The following IDO2 variants were observed in gnomAD, a reference collection of about 807,000 sequenced individuals.
IDO2 encodes indoleamine 2,3-dioxygenase 2.
In IDO2, 46 loss-of-function variants were observed where a neutral mutation model predicts 45.1. That is an observed-to-expected ratio of 1.02 (90% CI 0.80 to 1.30). The LOEUF (loss-of-function observed/expected upper bound fraction) is 1.30. IDO2 is among the 50% of genes most tolerant of loss of function. The pLI, the probability that IDO2 is intolerant of heterozygous loss-of-function variation, is 0.00. For synonymous variants in IDO2, 218 were observed against 184.9 expected, an observed-to-expected ratio of 1.18 and a Z score of -1.45; for missense variants, 544 against 491.8, an observed-to-expected ratio of 1.11 and a Z score of -1.00.
chr8:39,951,187 T>G (rs1211447801), intron 2 of IDO2, among the ~76,000 whole-genome samples: 1 of 152,086 alleles, frequency 6.6e-6, no homozygotes. Context: ...CACTATTCTT[T>G]AATCATAGTT....
intron 9 of IDO2, among the ~76,000 whole-genome samples, 160 bp from the exon 10 acceptor site, chr8:40,013,405 A>G (rs1802337162): frequency 6.6e-6 from 1 of 152,200 alleles, no homozygotes; most frequent in Non-Finnish European, 1.5e-5. Context: ...AGTGAAGATG[A>G]TGCTTCAGTA....
chr8:39,992,405 C>G (rs555660922), intron 8 of IDO2, among the ~76,000 whole-genome samples: 1 of 152,184 alleles, frequency 6.6e-6, no homozygotes, highest in Non-Finnish European at 1.5e-5. Flanking sequence ...TGGTTCTAGG[C>G]TCCCATCCCA....
intron 2 of IDO2, 65 bp downstream of exon 2, chr8:39,949,329 T>A (rs1473738322): frequency 7.8e-7 from 1 of 1,275,376 alleles, no homozygotes; most frequent in Non-Finnish European, 1.1e-6. Flanking sequence ...TTGGTTTGTT[T>A]TTTAAAAATG....
chr8:40,016,125 A>C (rs1802384746), exon 11 of IDO2: 1 of 393,980 alleles, frequency 2.5e-6, no homozygotes, highest in South Asian at 1.3e-4. Flanking sequence ...GGGAAGATAG[A>C]GGATGCTGAC....
intron 8 of IDO2, among the ~76,000 whole-genome samples, chr8:40,001,317 T>C (rs1802134337): frequency 6.7e-6 from 1 of 149,622 alleles, no homozygotes; most frequent in African/African-American, 2.5e-5. Flanking sequence ...TGGTGCGATC[T>C]TGGCTCACCA....
intron 8 of IDO2, chr8:39,995,251 C>CCTTCTCCTTCTTCTT (rs1554548607): frequency 1.0e-4 from 8 of 78,062 alleles, no homozygotes; most frequent in African/African-American, 1.5e-4. Flanking sequence ...TTCTCCTTCT[C>CCTTCTCCTTCTTCTT]CTTCTTCTTC....
chr8:40,003,466 T>C (rs992831548), intron 8 of IDO2, among the ~76,000 whole-genome samples: 49 of 152,248 alleles, frequency 3.2e-4, no homozygotes, highest in African/African-American at 1.1e-3. Flanking sequence ...ACCTATCTTC[T>C]GCTTTATTCA....
chr8:39,969,463 C>G (rs1465818331), intron 3 of IDO2, among the ~76,000 whole-genome samples: 1 of 152,168 alleles, frequency 6.6e-6, no homozygotes, highest in South Asian at 2.1e-4. Flanking sequence ...CTCTCTCCCC[C>G]TCCTCAGGCC....
intron 1 of IDO2, among the ~76,000 whole-genome samples, chr8:39,938,409 T>G (rs138145759): frequency 1.4e-3 from 209 of 152,306 alleles, no homozygotes; most frequent in African/African-American, 4.7e-3. Flanking sequence ...ACTTTATCCT[T>G]GATTTATTTC....
At chr8:39,972,000 G>C (rs1008081100) in intron 3 of IDO2, among the ~76,000 whole-genome samples, 8 of 152,150 alleles carry the variant, frequency 5.3e-5, no homozygotes, top group African/African-American at 1.9e-4. Flanking sequence ...AGTAGAGATG[G>C]GGTTTTTCCA....
At chr8:39,980,879 A>T (rs1470005009) in intron 4 of IDO2, among the ~76,000 whole-genome samples, 1 of 151,642 alleles carries the variant, frequency 6.6e-6, no homozygotes, top group African/African-American at 2.4e-5. Context: ...TCTCCTGAGT[A>T]GCTGGGATTA....
chr8:39,959,712 A>G (rs1318123530), intron 2 of IDO2, among the ~76,000 whole-genome samples: 1 of 152,056 alleles, frequency 6.6e-6, no homozygotes, highest in Non-Finnish European at 1.5e-5. Flanking sequence ...AATCCCAGCT[A>G]CTCTGGAGGC....
intron 6 of IDO2, 147 bp downstream of exon 6, chr8:39,985,669 G>C: frequency 1.5e-6 from 1 of 670,540 alleles, no homozygotes; most frequent in Non-Finnish European, 2.5e-6. Flanking sequence ...AGAAGGAAAT[G>C]TGCCTAAAAT....
intron 7 of IDO2, among the ~76,000 whole-genome samples, chr8:39,988,227 A>C (rs1388528533): frequency 6.6e-6 from 1 of 152,192 alleles, no homozygotes; most frequent in Admixed American, 6.5e-5. Context: ...ATTGGATCGA[A>C]CAAGACAGAC....
intron 9 of IDO2, among the ~76,000 whole-genome samples, chr8:40,007,502 AGT>A (rs139639325): frequency 0.027 from 4,108 of 152,100 alleles, 171 homozygotes; most frequent in African/African-American, 0.091. Flanking sequence ...TGGAGCTGGG[AGT>A]GTGTTTTAGT....
chr8:39,957,477 A>T (rs541917817), intron 2 of IDO2, among the ~76,000 whole-genome samples: 1 of 148,346 alleles, frequency 6.7e-6, no homozygotes, highest in Non-Finnish European at 1.5e-5. Context: ...GCTGTGCATG[A>T]TCCTATGTGC....
At chr8:39,966,774 A>G (rs1279610330) in intron 3 of IDO2, among the ~76,000 whole-genome samples, 1 of 152,206 alleles carries the variant, frequency 6.6e-6, no homozygotes, top group African/African-American at 2.4e-5. Flanking sequence ...AAGAAAATCC[A>G]TATTAGACAC....
At chr8:39,989,620 C>A in intron 7 of IDO2, 101 bp from the exon 8 acceptor site, 1 of 801,782 alleles carries the variant, frequency 1.2e-6, no homozygotes, top group Non-Finnish European at 1.9e-6. Flanking sequence ...CTCTGACAAA[C>A]TGTCCGGTCC....
At chr8:39,961,073 G>A (rs1272578523) in intron 2 of IDO2, among the ~76,000 whole-genome samples, 7 of 152,164 alleles carry the variant, frequency 4.6e-5, no homozygotes, top group Admixed American at 3.3e-4. Flanking sequence ...GTGAGCCACC[G>A]CACCTGGCCC....
Sources: gnomAD v4.1 joint callset for allele counts (sites outside exome capture counted in the v4.1 genomes callset) on GRCh38, gnomAD v4.1.1 for gene constraint, MANE v1.5 for transcripts, NCBI Gene and HGNC (gene_info 2026-07-23, HGNC 2026-07-21) for gene names.